Variants in MAP1B observed in about 807,000 individuals in gnomAD.
The protein encoded by MAP1B is microtubule-associated protein 1B.
MAP1B carries 12 observed loss-of-function variants against 176.1 expected under a neutral mutation model. The ratio of observed to expected loss-of-function variants is 0.07; its 90% CI spans 0.04 to 0.11. The LOEUF (loss-of-function observed/expected upper bound fraction) is 0.11, where lower values mean the gene tolerates loss of function less well. MAP1B is among the 10% of genes least tolerant of loss of function. The probability of loss-of-function intolerance (pLI) is 1.00; values close to 1 mark genes in which losing one functional copy is unlikely to be tolerated. For synonymous variants in MAP1B, 1,044 were observed against 1,135.0 expected (o/e 0.92, Z 1.61); for missense variants, 2,523 against 2,990.5 (o/e 0.84, Z 3.65).
intron 2 of MAP1B, among the ~76,000 whole-genome samples, chr5:72,156,900 C>G (rs1579999250): frequency 6.6e-6 from 1 of 152,302 alleles, no homozygotes; most frequent in East Asian, 1.9e-4. Context: ...TCCCCACTGC[C>G]CTTTTACAGA....
chr5:72,146,246 T>C (rs2112160167), intron 2 of MAP1B, among the ~76,000 whole-genome samples: 1 of 152,342 alleles, frequency 6.6e-6, no homozygotes, highest in East Asian at 1.9e-4. Context: ...GATCTTACAG[T>C]GACCCAGCTC....
At chr5:72,153,651 C>T (rs1245591102) in intron 2 of MAP1B, among the ~76,000 whole-genome samples, 1 of 151,974 alleles carries the variant, frequency 6.6e-6, no homozygotes, top group Admixed American at 6.5e-5. Context: ...AGAATACAAA[C>T]CCTTGAACAT....
intron 2 of MAP1B, among the ~76,000 whole-genome samples, chr5:72,179,145 C>A (rs953493608): frequency 5.3e-5 from 8 of 152,132 alleles, no homozygotes; most frequent in Non-Finnish European, 7.4e-5. Flanking sequence ...TCCACTGCCC[C>A]CGCCCCGCCA....
intron 2 of MAP1B, among the ~76,000 whole-genome samples, chr5:72,142,129 G>C (rs1213003613): frequency 6.6e-6 from 1 of 152,218 alleles, no homozygotes; most frequent in East Asian, 1.9e-4. Context: ...TGACAGTTTG[G>C]TGTCCCTCCC....
At chr5:72,113,505 A>T (rs1745379890) in intron 1 of MAP1B, among the ~76,000 whole-genome samples, 1 of 152,240 alleles carries the variant, frequency 6.6e-6, no homozygotes, top group African/African-American at 2.4e-5. Context: ...GCAAACATTT[A>T]ATTGTGTGTG....
intron 2 of MAP1B, among the ~76,000 whole-genome samples, chr5:72,152,112 C>A (rs921505427): frequency 6.6e-6 from 1 of 152,176 alleles, no homozygotes; most frequent in Admixed American, 6.5e-5. Context: ...TGATCCAATG[C>A]GGTATCCCAC....
Position 72,209,516 on chromosome 5 carries a change from A to T in MAP1B, c.*4277A>T, listed in dbSNP as rs1026546549. The stretch of plus-strand genomic sequence containing the variant: ...CTCTTCCATTGAGGATATTTGATGT[A>T]AAGGAAAAAAAAAAACTCAGTTCCA... On this transcript the variant is annotated 3_prime_UTR_variant, in exon 7 of 7. Transcript: ENST00000296755. 6.6e-6 allele frequency: 1 copy of T among 152,052 alleles called. No individual in the cohort carries two copies. Among genetic ancestry groups the T allele is most frequent in the African/African-American group, 2.4e-5 (1 of 41,410 alleles). 9.4% of individuals were successfully genotyped at this position (152,052 alleles called of 1,614,324 possible).
chr5:72,183,902 G>GACA, intron 3 of MAP1B, 77 bp downstream of exon 3: 1 of 1,230,270 alleles, frequency 8.1e-7, no homozygotes, highest in East Asian at 2.3e-5. Context: ...GAAGGGCTGG[G>GACA]CAAATGGGGG....
intron 2 of MAP1B, among the ~76,000 whole-genome samples, chr5:72,148,235 T>C (rs1746080441): frequency 6.6e-6 from 1 of 152,204 alleles, no homozygotes; most frequent in East Asian, 1.9e-4. Flanking sequence ...CTGTCTTCCA[T>C]GAAAATTTCA....
At chr5:72,129,223 A>G (rs568411396) in intron 2 of MAP1B, among the ~76,000 whole-genome samples, 1 of 152,318 alleles carries the variant, frequency 6.6e-6, no homozygotes, top group Non-Finnish European at 1.5e-5. Flanking sequence ...TTTATATTGT[A>G]TCAAAATGTA....
At chr5:72,178,411 TTCTC>T (rs1419808375) in intron 2 of MAP1B, among the ~76,000 whole-genome samples, 6 of 152,242 alleles carry the variant, frequency 3.9e-5, no homozygotes, top group Non-Finnish European at 8.8e-5. Context: ...TCACACATTT[TTCTC>T]TCTAACTCCA....
intron 2 of MAP1B, among the ~76,000 whole-genome samples, chr5:72,170,232 A>G (rs1454692820): frequency 7.3e-6 from 1 of 136,782 alleles, no homozygotes; most frequent in Non-Finnish European, 1.5e-5. Flanking sequence ...TTTAAAAGCC[A>G]AGGGCCTGCA....
intron 2 of MAP1B, among the ~76,000 whole-genome samples, chr5:72,174,979 CTCCTTCCCTCCCTCCTTCCT>C (rs1249080726): frequency 1.4e-4 from 17 of 123,660 alleles, no homozygotes; most frequent in African/African-American, 4.3e-4. Context: ...CCCGCCTTCC[CTCCTTCCCTCCCTCCTTCCT>C]TCCTTCCCTC....
Position 72,196,048 on chromosome 5 carries a change from C to A in MAP1B, c.2693C>A (p.Thr898Asn). Residue 898 changes from threonine (T) to asparagine (N), a missense_variant, in exon 5 of 7, where the codon ACC (threonine) becomes AAC (asparagine). This residue lies in a region of MAP1B where 1,925 missense variants were observed against 2,126.0 expected (regional missense o/e 0.91). Coordinates refer to ENST00000296755, the MANE Select transcript of MAP1B (RefSeq NM_005909.5). The surrounding 1 kb of genome is among the most constrained non-coding windows in gnomAD (Gnocchi z 5.3). ...PAESPDEGIT[T>N]TEGEGECEQT... Reference sequence around the variant, plus strand: ...GAGTCCCCTGATGAGGGAATCACTACCACTGAAGGGGAGGGCGAATGTGAA... The same window carrying A: ...GAGTCCCCTGATGAGGGAATCACTAACACTGAAGGGGAGGGCGAATGTGAA... 1 of 1,614,172 alleles carries A rather than the reference C, an allele frequency of 6.2e-7. No individual in the cohort carries two copies. Among genetic ancestry groups the A allele is most frequent in the South Asian group, 1.1e-5 (1 of 91,072 alleles).
intron 4 of MAP1B, chr5:72,193,320 T>G (rs1365892271): frequency 1.7e-5 from 7 of 402,972 alleles, no homozygotes; most frequent in African/African-American, 8.5e-5. Flanking sequence ...TAATCTGAAT[T>G]TCTTTAAGGT....
At position 72,133,504 on chromosome 5, in the gene MAP1B, C is replaced by T. The variant is rs570920598; in HGVS notation, c.286+17705C>T. Among the ~76,000 whole-genome samples, 15 of 152,260 alleles carry T rather than the reference C, an allele frequency of 9.9e-5. No homozygotes were observed. The East Asian group carries it at 1.5e-3, about 16-fold the overall frequency. On this transcript the variant is annotated intron_variant, in intron 2 of 6. Transcript: ENST00000296755. The stretch of plus-strand genomic sequence containing the variant: ...CTTTGAGTCCAGCAGAATGGTAAAG[C>T]GTGGGGGCCCAGGAGCTACAGTGGC...
chr5:72,147,520 A>T (rs948159137), intron 2 of MAP1B, among the ~76,000 whole-genome samples: 23 of 151,988 alleles, frequency 1.5e-4, no homozygotes, highest in Non-Finnish European at 2.9e-4. Context: ...CATTAAGCAG[A>T]TAATCACAAA....
rs142747534 is a variant in MAP1B, at chr5:72,199,847, G to A, written c.6492G>A (p.Pro2164=). 270 of 1,614,104 alleles carry A rather than the reference G, an allele frequency of 1.7e-4. 4 individuals are homozygous for A. The South Asian group carries it at 1.8e-3, about 11-fold the overall frequency. ...APSQTDSDVP[P]ETEECPSITA... ...CCCAGACCGACTCTGATGTTCCCCC[G>A]GAGACTGAAGAGTGCCCCTCCATCA... The change falls in exon 5 of 7, where the codon CCG becomes CCA. Residue 2164 remains proline, a synonymous_variant. Transcript: ENST00000296755. The surrounding 1 kb of genome is among the most constrained non-coding windows in gnomAD (Gnocchi z 4.2).
At chr5:72,115,151 C>T (rs550789266) in intron 1 of MAP1B, among the ~76,000 whole-genome samples, 1 of 152,044 alleles carries the variant, frequency 6.6e-6, no homozygotes, top group East Asian at 1.9e-4. Flanking sequence ...ATCCAGGGCT[C>T]GATAAACCAA....
Sources: gnomAD v4.1 joint callset for allele counts (sites outside exome capture counted in the v4.1 genomes callset) on GRCh38, gnomAD v4.1.1 for gene constraint, gnomAD v4.1.1 regional missense constraint, Gnocchi (gnomAD v3.1) non-coding constraint, MANE v1.5 for transcripts, NCBI Gene and HGNC (gene_info 2026-07-23, HGNC 2026-07-21) for gene names.